CCSER2: variants seen among roughly 807,000 people sequenced by gnomAD.
CCSER2 encodes coiled-coil serine rich protein 2.
In CCSER2, 46 loss-of-function variants were observed where a neutral mutation model predicts 92.3. That is an observed-to-expected ratio of 0.50 (90% CI 0.39 to 0.64). The LOEUF (loss-of-function observed/expected upper bound fraction) is 0.64. CCSER2 is among the 30% of genes least tolerant of loss of function. The pLI, the probability that CCSER2 is intolerant of heterozygous loss-of-function variation, is 0.00. For missense variants in CCSER2, 1,244 were observed against 1,238.9 expected (o/e 1.00, Z -0.06); for synonymous variants, 433 against 431.4 (o/e 1.00, Z -0.04).
chr10:84,342,189 A>G (rs558724260), intron 1 of CCSER2, among the ~76,000 whole-genome samples: 12 of 152,258 alleles, frequency 7.9e-5, no homozygotes, highest in Admixed American at 2.6e-4. Context: ...CCTCATTAGC[A>G]TACAAAAGAC....
chr10:84,358,661 C>CATATATATATATAT (rs1180094564), intron 1 of CCSER2, among the ~76,000 whole-genome samples: 44 of 146,130 alleles, frequency 3.0e-4, no homozygotes, highest in Non-Finnish European at 5.4e-4. Context: ...TATATATATA[C>CATATATATATATAT]ATATACATAT....
At chr10:84,513,298 A>G (rs1849461511) in intron 9 of CCSER2, 151 bp from the exon 10 acceptor site, 1 of 620,248 alleles carries the variant, frequency 1.6e-6, no homozygotes, top group East Asian at 2.8e-5. Flanking sequence ...ATTTGCTTGA[A>G]TATTGCAGTT....
intron 3 of CCSER2, among the ~76,000 whole-genome samples, chr10:84,378,655 G>A (rs1243517679): frequency 4.6e-5 from 7 of 152,000 alleles, no homozygotes; most frequent in African/African-American, 1.4e-4. Context: ...GGCTGGTCTC[G>A]AACTCCTGAC....
intron 6 of CCSER2, among the ~76,000 whole-genome samples, chr10:84,457,570 A>G (rs1313401046): frequency 2.5e-4 from 3 of 12,230 alleles, no homozygotes; most frequent in African/African-American, 7.6e-4. Context: ...ATATAAATTT[A>G]TATTTATATA....
At chr10:84,474,041 T>C (rs1272829766) in intron 8 of CCSER2, among the ~76,000 whole-genome samples, 2 of 152,246 alleles carry the variant, frequency 1.3e-5, no homozygotes, top group Admixed American at 1.3e-4. Flanking sequence ...GAGAATTAAC[T>C]GAAAGGCATA....
At chr10:84,476,575 C>T (rs752020637) in intron 8 of CCSER2, among the ~76,000 whole-genome samples, 54 of 150,724 alleles carry the variant, frequency 3.6e-4, no homozygotes, top group Non-Finnish European at 6.0e-4. Flanking sequence ...TCCGGAGTAG[C>T]TGGGACTACA....
At chr10:84,445,500 A>G (rs1375502507) in intron 6 of CCSER2, among the ~76,000 whole-genome samples, 1 of 152,198 alleles carries the variant, frequency 6.6e-6, no homozygotes, top group African/African-American at 2.4e-5. Flanking sequence ...TTCTTAACAA[A>G]GTGTAATATA....
chr10:84,489,211 T>A (rs1409689055), intron 9 of CCSER2, among the ~76,000 whole-genome samples: 1 of 152,194 alleles, frequency 6.6e-6, no homozygotes, highest in Non-Finnish European at 1.5e-5. Flanking sequence ...GAATGTATAG[T>A]CTGTTGATTT....
intron 1 of CCSER2, among the ~76,000 whole-genome samples, chr10:84,334,719 G>T (rs1393104509): frequency 1.3e-5 from 2 of 151,800 alleles, no homozygotes; most frequent in Non-Finnish European, 2.9e-5. Flanking sequence ...TTATAGCTAC[G>T]TAAGACAGGG....
At chr10:84,377,181 A>G (rs1408018210) in intron 3 of CCSER2, among the ~76,000 whole-genome samples, 1 of 152,156 alleles carries the variant, frequency 6.6e-6, no homozygotes, top group African/African-American at 2.4e-5. Flanking sequence ...TATAGAACTT[A>G]CCAATTTTGA....
At chr10:84,391,506 C>T (rs563561892) in intron 3 of CCSER2, 4 of 1,529,586 alleles carry the variant, frequency 2.6e-6, no homozygotes, top group South Asian at 1.1e-5. Flanking sequence ...GATTTCATGC[C>T]AATACTGGGA....
At chr10:84,404,970 A>G (rs1842305084) in intron 3 of CCSER2, among the ~76,000 whole-genome samples, 1 of 152,158 alleles carries the variant, frequency 6.6e-6, no homozygotes, top group African/African-American at 2.4e-5. Flanking sequence ...TGAAGACATC[A>G]CTCCATCCCA....
intron 1 of CCSER2, among the ~76,000 whole-genome samples, chr10:84,359,292 GTCC>G (rs1435957185): frequency 6.6e-6 from 1 of 152,098 alleles, no homozygotes; most frequent in East Asian, 1.9e-4. Flanking sequence ...ACTCTGAAGG[GTCC>G]ATTGTATCTG....
At chr10:84,345,531 C>T (rs1844428388) in intron 1 of CCSER2, among the ~76,000 whole-genome samples, 1 of 152,068 alleles carries the variant, frequency 6.6e-6, no homozygotes, top group Non-Finnish European at 1.5e-5. Flanking sequence ...TTCTATTTGG[C>T]AAGTTTCGTT....
At chr10:84,407,490 A>G (rs930307087) in intron 3 of CCSER2, among the ~76,000 whole-genome samples, 1 of 134,886 alleles carries the variant, frequency 7.4e-6, no homozygotes, top group Non-Finnish European at 1.7e-5. Flanking sequence ...CTTCTTGCTT[A>G]CTTCTCAGTT....
chr10:84,429,289 CTTG>C (rs1271264744), intron 5 of CCSER2, among the ~76,000 whole-genome samples: 2 of 151,780 alleles, frequency 1.3e-5, no homozygotes, highest in African/African-American at 2.4e-5. Context: ...TCTTTTTGGT[CTTG>C]TTGGTTTATA....
Position 84,502,625 on chromosome 10 carries a change from C to G in CCSER2, c.2326-10824C>G, listed in dbSNP as rs1477914275. On this transcript the variant is annotated intron_variant, in intron 9 of 9. Transcript: ENST00000372088. ...TGACCTTGTGATCTACCTGGCTGGG[C>G]CTCCCAAAGTGCTGGGATTACAGGC... Among the ~76,000 whole-genome samples the G allele has an allele frequency of 2.0e-5, 3 of 152,072 alleles. No individual in the cohort carries two copies. In the East Asian group the frequency reaches 5.8e-4, roughly 30 times the overall value.
intron 1 of CCSER2, among the ~76,000 whole-genome samples, chr10:84,358,151 G>A (rs1196587697): frequency 6.6e-6 from 1 of 152,196 alleles, no homozygotes; most frequent in Non-Finnish European, 1.5e-5. Context: ...TCTAAAGTTA[G>A]CATGGAGTTT....
At chr10:84,376,896 T>C (rs965374722) in intron 3 of CCSER2, among the ~76,000 whole-genome samples, 1 of 152,142 alleles carries the variant, frequency 6.6e-6, no homozygotes, top group Admixed American at 6.5e-5. Flanking sequence ...TATAGTAGTA[T>C]TGCATTGAGA....
Sources: allele counts gnomAD v4.1 joint callset (sites outside exome capture counted in the v4.1 genomes callset), GRCh38; gene constraint gnomAD v4.1.1; transcripts MANE v1.5; gene names NCBI Gene and HGNC (gene_info 2026-07-23, HGNC 2026-07-21).